UGDH: variants seen among roughly 807,000 people sequenced by gnomAD.
UGDH encodes UDP-glucose 6-dehydrogenase.
Under a neutral mutation model 50.6 loss-of-function variants are expected in UGDH, and 38 were observed. The observed-to-expected ratio is 0.75, with a 90% CI of 0.58 to 0.98. The LOEUF (loss-of-function observed/expected upper bound fraction) is 0.98. UGDH is among the 50% of genes least tolerant of loss of function. The pLI, the probability that UGDH is intolerant of heterozygous loss-of-function variation, is 0.00. For synonymous variants in UGDH, 168 were observed against 199.9 expected (o/e 0.84, Z 1.35); for missense variants, 465 against 606.2 (o/e 0.77, Z 2.45).
chr4:39,524,155 T>TA (rs1319169593), intron 1 of UGDH, among the ~76,000 whole-genome samples: 1 of 152,218 alleles, frequency 6.6e-6, no homozygotes, highest in African/African-American at 2.4e-5. Context: ...GGTTACCACT[T>TA]AATCTCCTAG....
intron 3 of UGDH, 126 bp from the exon 4 acceptor site, chr4:39,510,987 G>C (rs1310522373): frequency 3.8e-6 from 3 of 797,008 alleles, no homozygotes; most frequent in Admixed American, 5.2e-5. Flanking sequence ...TCCTCTGTTA[G>C]TTCCATAGAA....
At chr4:39,506,779 T>A (rs1264355891) in intron 7 of UGDH, among the ~76,000 whole-genome samples, 1 of 152,214 alleles carries the variant, frequency 6.6e-6, no homozygotes, top group African/African-American at 2.4e-5. Flanking sequence ...AGAGTTTATC[T>A]GCATTTTTCA....
At chr4:39,505,141 T>G in intron 9 of UGDH, 96 bp downstream of exon 9, 1 of 1,224,754 alleles carries the variant, frequency 8.2e-7, no homozygotes, top group Non-Finnish European at 1.1e-6. Context: ...GGCCTACCAA[T>G]GATATACATG....
At position 39,509,888 on chromosome 4, in the gene UGDH, G is replaced by T; in HGVS notation, c.683C>A (p.Ala228Asp). ...LSKLAANAFL[A>D]QRISSINSIS... is the part of the protein sequence containing the mutation. Reference sequence around the variant, plus strand: ...GGAGTTAATGCTGCTTATTCTCTGGGCAAGAAAAGCATTTGCTGCCTTAAA... The same window carrying T: ...GGAGTTAATGCTGCTTATTCTCTGGTCAAGAAAAGCATTTGCTGCCTTAAA... Residue 228 changes from alanine to aspartate, a missense_variant, in exon 6 of 12, where the codon GCC becomes GAC. Physicochemically the swap from Ala to Asp is moderately radical, Grantham distance 126 (BLOSUM62 -2). Coordinates refer to ENST00000316423, the MANE Select transcript of UGDH (RefSeq NM_003359.4). 1.3e-6 allele frequency: 2 copies of T among 1,587,832 alleles called. No homozygotes were observed. Among genetic ancestry groups the T allele is most frequent in the Non-Finnish European group, 1.7e-6 (2 of 1,173,632 alleles).
chr4:39,504,148 A>G (rs1173635003), intron 10 of UGDH, among the ~76,000 whole-genome samples, 163 bp from the exon 11 acceptor site: 3 of 152,084 alleles, frequency 2.0e-5, no homozygotes, highest in African/African-American at 7.2e-5. Flanking sequence ...CTCTACTAAA[A>G]ATACAAAAAA....
At chr4:39,509,218 A>C (rs1746138794) in intron 6 of UGDH, among the ~76,000 whole-genome samples, 1 of 151,300 alleles carries the variant, frequency 6.6e-6, no homozygotes, top group African/African-American at 2.4e-5. Flanking sequence ...AGGCTCAAGC[A>C]ATTTGCCCGC....
At chr4:39,514,745 T>A (rs1008391628) in intron 2 of UGDH, among the ~76,000 whole-genome samples, 14 of 151,986 alleles carry the variant, frequency 9.2e-5, no homozygotes, top group African/African-American at 3.4e-4. Flanking sequence ...TGCAGTGGTA[T>A]GATCTCGGCT....
chr4:39,520,483 AAAT>A (rs987927224), intron 2 of UGDH, among the ~76,000 whole-genome samples: 2 of 145,194 alleles, frequency 1.4e-5, no homozygotes, highest in Non-Finnish European at 3.0e-5. Context: ...TTTTACAGTG[AAAT>A]AATAAAAAAA....
At chr4:39,516,187 G>A (rs910063980) in intron 2 of UGDH, among the ~76,000 whole-genome samples, 4 of 152,202 alleles carry the variant, frequency 2.6e-5, no homozygotes, top group Admixed American at 2.0e-4. Flanking sequence ...AGGAGGCTGA[G>A]GTGGGAGGAT....
At chr4:39,513,408 G>GT (rs1746318151) in intron 3 of UGDH, among the ~76,000 whole-genome samples, 1 of 151,830 alleles carries the variant, frequency 6.6e-6, no homozygotes, top group African/African-American at 2.4e-5. Flanking sequence ...GGAGATGCCT[G>GT]TAAGTTTGCA....
intron 3 of UGDH, among the ~76,000 whole-genome samples, chr4:39,511,659 G>C (rs567286270): frequency 6.6e-6 from 1 of 150,944 alleles, no homozygotes; most frequent in Non-Finnish European, 1.5e-5. Context: ...ATTAAAGCTA[G>C]ACATTACCTA....
rs1172635390 is a variant in UGDH, at chr4:39,510,844, T to A, written c.282A>T (p.Lys94Asn). ...CCCGGCCTTTCCCCATTCCATAGGT[T>A]TTTGTTGGAGTATTCACCTGATGTA... ...LVFISVNTPT[K>N]TYGMGKGRAA... Residue 94 changes from lysine (K) to asparagine (N), a missense_variant, in exon 4 of 12, where the codon AAA becomes AAT. Coordinates refer to ENST00000316423, the MANE Select transcript of UGDH (RefSeq NM_003359.4). 6.2e-7 allele frequency: 1 copy of A among 1,614,140 alleles called. No homozygotes were observed. Among genetic ancestry groups the A allele is most frequent in the Non-Finnish European group, 8.5e-7 (1 of 1,180,038 alleles).
At chr4:39,522,564 TG>T (rs1478147977) in intron 1 of UGDH, among the ~76,000 whole-genome samples, 3 of 152,242 alleles carry the variant, frequency 2.0e-5, no homozygotes, top group East Asian at 1.9e-4. Flanking sequence ...CAATTCTTTT[TG>T]GTTTGAATCT....
intron 11 of UGDH, among the ~76,000 whole-genome samples, chr4:39,501,246 G>A (rs1481720536): frequency 4.0e-5 from 6 of 150,552 alleles, no homozygotes; most frequent in East Asian, 2.0e-4. Context: ...TATTACAGGC[G>A]TGAGCCACTG....
intron 11 of UGDH, 100 bp downstream of exon 11, chr4:39,503,775 G>T: frequency 1.0e-6 from 1 of 995,050 alleles, no homozygotes; most frequent in Non-Finnish European, 1.5e-6. Flanking sequence ...TGCTGTGATG[G>T]TCTTTTGATG....
chr4:39,503,957 T>C lies in UGDH; in HGVS notation c.1292A>G (p.Lys431Arg), dbSNP rs147122976. ...GAAGATAAAGGCTGGCTTTAGCATT[T>C]TTTTATGAATGCGTTCATAATCCAA... ...KELDYERIHK[K>R]MLKPAFIFDG... The change falls in exon 11 of 12, where the codon AAA (lysine) becomes AGA (arginine). Residue 431 changes from lysine (K) to arginine (R), a missense_variant. Physicochemically the swap from Lys to Arg is conservative, Grantham distance 26. Coordinates refer to ENST00000316423, the MANE Select transcript of UGDH (RefSeq NM_003359.4). The C allele has an allele frequency of 9.3e-6, 15 of 1,614,052 alleles. No homozygotes were observed. In the African/African-American group the frequency reaches 1.9e-4, roughly 20 times the overall value.
chr4:39,517,250 T>G (rs1746472273), intron 2 of UGDH, among the ~76,000 whole-genome samples: 1 of 151,536 alleles, frequency 6.6e-6, no homozygotes, highest in Non-Finnish European at 1.5e-5. Context: ...GTTGCTAGGC[T>G]GGAGTGCAGT....
intron 7 of UGDH, among the ~76,000 whole-genome samples, chr4:39,507,022 G>C (rs144870611): frequency 1.3e-5 from 2 of 152,130 alleles, no homozygotes; most frequent in Non-Finnish European, 2.9e-5. Flanking sequence ...AAAAAGAAAC[G>C]TGCATTTCTT....
At chr4:39,514,266 TA>T in intron 2 of UGDH, 82 bp from the exon 3 acceptor site, 10 of 1,083,618 alleles carry the variant, frequency 9.2e-6, no homozygotes, top group Non-Finnish European at 1.4e-5. Context: ...TTACATTTGT[TA>T]AAGGGCATGG....
Sources: allele counts gnomAD v4.1 joint callset (sites outside exome capture counted in the v4.1 genomes callset), GRCh38; gene constraint gnomAD v4.1.1; transcripts MANE v1.5; gene names NCBI Gene and HGNC (gene_info 2026-07-23, HGNC 2026-07-21).